Variants in CCKBR observed in about 807,000 individuals in gnomAD.
CCKBR encodes gastrin/cholecystokinin type B receptor.
Under a neutral mutation model 34.6 loss-of-function variants are expected in CCKBR, and 33 were observed. That is an observed-to-expected ratio of 0.95 (90% CI 0.72 to 1.27). The LOEUF (loss-of-function observed/expected upper bound fraction) is 1.27, where lower values mean the gene tolerates loss of function less well. Among genes scored for constraint, CCKBR ranks in the 50% most tolerant of loss-of-function variants. CCKBR has a pLI of 0.00. For synonymous variants in CCKBR, 269 were observed against 267.5 expected (o/e 1.01, Z -0.06); for missense variants, 652 against 617.4 (o/e 1.06, Z -0.59).
intron 1 of CCKBR, among the ~76,000 whole-genome samples, chr11:6,269,145 GAAGTATTTT>G (rs1373312522): frequency 4.6e-5 from 1 of 21,528 alleles, no homozygotes; most frequent in Non-Finnish European, 1.3e-4. Flanking sequence ...GAGAGTAAGT[GAAGTATTTT>G]TTTTTTTTTT....
chr11:6,265,263 T>C (rs1016714289), intron 1 of CCKBR, among the ~76,000 whole-genome samples: 1 of 152,216 alleles, frequency 6.6e-6, no homozygotes, highest in Non-Finnish European at 1.5e-5. Flanking sequence ...GCACAGTTGC[T>C]GGTCATTTTT....
chr11:6,264,520 G>A (rs568826165), intron 1 of CCKBR: 1 of 700,540 alleles, frequency 1.4e-6, no homozygotes, highest in South Asian at 1.5e-5. Context: ...GAACTGAACT[G>A]TCCCAATCTT....
At position 6,271,848 on chromosome 11, in the gene CCKBR, G is replaced by C; in HGVS notation, c.*305G>C. On this transcript the variant is annotated 3_prime_UTR_variant, in exon 5 of 5. Transcript: ENST00000334619. Reference sequence around the variant, plus strand: ...CACAGTGGGAACTCTGACAAGGGCTGACCTGCCTCTCACACACATAGATTA... The same window carrying C: ...CACAGTGGGAACTCTGACAAGGGCTCACCTGCCTCTCACACACATAGATTA... 1 of 369,528 alleles carries C rather than the reference G, an allele frequency of 2.7e-6. No individual in the cohort carries two copies. Among genetic ancestry groups the C allele is most frequent in the Non-Finnish European group, 4.9e-6 (1 of 204,812 alleles). The allele number at this position is 369,528 out of a possible 1,614,324, so 22.9% of individuals were successfully genotyped here.
intron 1 of CCKBR, among the ~76,000 whole-genome samples, chr11:6,261,492 C>CACAT (rs1848133035): frequency 7.1e-6 from 1 of 141,064 alleles, no homozygotes; most frequent in Non-Finnish European, 1.5e-5. Flanking sequence ...CACACACACA[C>CACAT]ACACACATAT....
chr11:6,270,009 G>A, intron 2 of CCKBR, 79 bp from the exon 3 acceptor site: 1 of 1,590,386 alleles, frequency 6.3e-7, no homozygotes, highest in Non-Finnish European at 8.6e-7. Flanking sequence ...TTGGCAGGGA[G>A]GGGTGTGAGG....
intron 1 of CCKBR, among the ~76,000 whole-genome samples, chr11:6,268,721 G>T (rs1444986615): frequency 6.6e-6 from 1 of 152,236 alleles, no homozygotes; most frequent in Admixed American, 6.5e-5. Flanking sequence ...GAGTGAGAAT[G>T]AATGTTTGGA....
intron 1 of CCKBR, among the ~76,000 whole-genome samples, chr11:6,267,814 T>C (rs1848231017): frequency 6.6e-6 from 1 of 152,176 alleles, no homozygotes; most frequent in African/African-American, 2.4e-5. Context: ...TGATAGAAAC[T>C]TTTCAGCTCC....
chr11:6,269,596 T>C (rs775533593), intron 1 of CCKBR, 73 bp from the exon 2 acceptor site: 4 of 1,551,194 alleles, frequency 2.6e-6, no homozygotes, highest in Non-Finnish European at 3.5e-6. Flanking sequence ...GGGTTGGGGA[T>C]AAGACGGAAG....
chr11:6,260,301 G>C (rs912478112), intron 1 of CCKBR, among the ~76,000 whole-genome samples: 2 of 151,596 alleles, frequency 1.3e-5, no homozygotes, highest in African/African-American at 4.9e-5. Context: ...TTCACATCCT[G>C]GTCCCCTGAA....
chr11:6,271,383 G>C lies in CCKBR; in HGVS notation c.1184G>C (p.Arg395Pro), dbSNP rs200480495. 137 of 1,614,046 alleles carry C rather than the reference G, an allele frequency of 8.5e-5. 1 individual carries two copies. In the South Asian group the frequency reaches 1.3e-3, roughly 16 times the overall value. Residue 395 changes from arginine (R) to proline (P), a missense_variant, in exon 5 of 5, where the codon CGT becomes CCT. Physicochemically the swap from Arg to Pro is moderately radical, Grantham distance 103. Transcript: ENST00000334619. ...CCCCTGGTCTACTGCTTCATGCACC[G>C]TCGCTTTCGCCAGGCCTGCCTGGAA... ...VNPLVYCFMHRRFRQACLETC... is the reference protein window; with the variant it reads ...VNPLVYCFMHPRFRQACLETC...
intron 1 of CCKBR, among the ~76,000 whole-genome samples, chr11:6,261,462 T>TATATATACACACACACACACACACAC (rs764173521): frequency 1.6e-5 from 1 of 64,014 alleles, no homozygotes; most frequent in African/African-American, 6.0e-5. Context: ...AAAATATATA[T>TATATATACACACACACACACACACAC]ACACACACAC....
chr11:6,261,143 G>C (rs866413850), intron 1 of CCKBR, among the ~76,000 whole-genome samples: 1 of 152,216 alleles, frequency 6.6e-6, no homozygotes, highest in East Asian at 1.9e-4. Flanking sequence ...CTTGGATTCT[G>C]TCATTCAGCC....
At chr11:6,270,495 C>T in intron 3 of CCKBR, 151 bp from the exon 4 acceptor site, 3 of 1,336,474 alleles carry the variant, frequency 2.2e-6, no homozygotes, top group Non-Finnish European at 3.1e-6. Context: ...GGCCCCTCCC[C>T]AGTTCTCTCT....
chr11:6,269,879 T>C lies in CCKBR; in HGVS notation c.362T>C (p.Ile121Thr). 1 of 1,614,072 alleles carries C rather than the reference T, an allele frequency of 6.2e-7. No homozygotes were observed. The highest frequency in any genetic ancestry group is 8.5e-7 in the Non-Finnish European group (1 of 1,180,026). Reference protein sequence around the residue: ...TLLPNLMGTFIFGTVICKAVS... With the variant: ...TLLPNLMGTFTFGTVICKAVS... Reference sequence around the variant, plus strand: ...CTGCCCAATCTCATGGGCACATTCATCTTTGGCACCGTCATCTGCAAGGCG... The same window carrying C: ...CTGCCCAATCTCATGGGCACATTCACCTTTGGCACCGTCATCTGCAAGGCG... Residue 121 changes from isoleucine to threonine, a missense_variant, in exon 2 of 5, where the codon ATC (isoleucine) becomes ACC (threonine). Ile to Thr is a moderately conservative substitution (Grantham distance 89). Transcript: ENST00000334619.
In CCKBR at chr11:6,271,196, C is replaced by T. The variant is rs1017770527; in HGVS notation, c.997C>T (p.Arg333Ter). 3 of 1,614,164 alleles carry T rather than the reference C, an allele frequency of 1.9e-6. No individual in the cohort carries two copies. The highest frequency in any genetic ancestry group is 2.5e-6 in the Non-Finnish European group (3 of 1,180,032). Residue 333 changes from arginine to a stop codon, truncating the protein, a stop_gained, in exon 5 of 5, where the codon CGA becomes TGA. Transcript: ENST00000334619. LOFTEE classifies it high-confidence loss of function. The stretch of plus-strand genomic sequence containing the variant: ...GCTGCTGGCTAAGAAGCGCGTGGTG[C>T]GAATGTTGCTGGTGATCGTTGTGCT... ...AKLLAKKRVVRMLLVIVVLFF... is the reference protein window; with the variant it reads ...AKLLAKKRVV
intron 1 of CCKBR, among the ~76,000 whole-genome samples, chr11:6,263,781 A>G (rs1288002945): frequency 8.5e-5 from 13 of 152,190 alleles, no homozygotes; most frequent in Admixed American, 7.2e-4. Flanking sequence ...CCAGATTAAC[A>G]TCTTAATTTA....
intron 1 of CCKBR, 95 bp from the exon 2 acceptor site, chr11:6,269,574 G>T (rs1386134746): frequency 1.1e-5 from 15 of 1,417,014 alleles, no homozygotes; most frequent in African/African-American, 1.4e-5. Context: ...TAGGCATCTG[G>T]CTGGGTAGTG....
rs200541535 is a variant in CCKBR, at chr11:6,271,799, G to A, written c.*256G>A. The stretch of plus-strand genomic sequence containing the variant: ...GACACTGACCTTGGAGAGACACAGC[G>A]TCCCTAGCAGTGAACTATTTCTACA... On this transcript the variant is annotated 3_prime_UTR_variant, in exon 5 of 5. Coordinates refer to ENST00000334619, the MANE Select transcript of CCKBR (RefSeq NM_176875.4). The A allele has an allele frequency of 2.6e-5, 12 of 470,270 alleles. No individual in the cohort carries two copies. Among genetic ancestry groups the A allele is most frequent in the Non-Finnish European group, 3.4e-5 (9 of 266,570 alleles). The allele number at this position is 470,270 out of a possible 1,614,324, so 29.1% of individuals were successfully genotyped here. A position where few individuals can be genotyped will look rare whatever the true frequency, so the allele number is the denominator to read the frequency against.
chr11:6,262,908 A>G (rs1440989141), intron 1 of CCKBR, among the ~76,000 whole-genome samples: 1 of 152,182 alleles, frequency 6.6e-6, no homozygotes, highest in Admixed American at 6.5e-5. Flanking sequence ...GAAAGGGGAT[A>G]GTCAATAGAG....
Sources: allele counts gnomAD v4.1 joint callset (sites outside exome capture counted in the v4.1 genomes callset), GRCh38; gene constraint gnomAD v4.1.1; transcripts MANE v1.5; gene names NCBI Gene and HGNC (gene_info 2026-07-23, HGNC 2026-07-21).